TRIO: variants seen among roughly 807,000 people sequenced by gnomAD.
The protein encoded by TRIO is trio Rho guanine nucleotide exchange factor, also known as triple functional domain protein.
A neutral mutation model predicts 351.9 loss-of-function variants in TRIO; 58 were observed. The observed-to-expected ratio is 0.16, with a 90% CI of 0.13 to 0.21. The LOEUF (loss-of-function observed/expected upper bound fraction) is 0.21, where lower values mean the gene tolerates loss of function less well. Among genes scored for constraint, TRIO ranks in the 10% least tolerant of loss-of-function variants. TRIO has a pLI of 1.00. For synonymous variants in TRIO, 1,758 were observed against 1,595.7 expected (o/e 1.10, Z -2.42); for missense variants, 3,201 against 4,027.8 (o/e 0.79, Z 5.56).
chr5:14,227,187 A>G (rs1051613683), intron 1 of TRIO, among the ~76,000 whole-genome samples: 3 of 152,174 alleles, frequency 2.0e-5, no homozygotes, highest in Non-Finnish European at 2.9e-5. Flanking sequence ...GCATTTGGTC[A>G]TTCTACCCTT....
In TRIO at chr5:14,495,561, C is replaced by T. The variant is rs181011230; in HGVS notation, c.7881-1318C>T. ...GCCAGGCCAGGCGTAGTGGCTCATGCCTGTAATCCCAGAACGTTTGGAGGC... is the reference window on the plus strand; with the variant it reads ...GCCAGGCCAGGCGTAGTGGCTCATGTCTGTAATCCCAGAACGTTTGGAGGC... On this transcript the variant is annotated intron_variant, in intron 49 of 56. Coordinates refer to ENST00000344204, the MANE Select transcript of TRIO (RefSeq NM_007118.4). 2.0e-3 allele frequency among the ~76,000 whole-genome samples: 295 copies of T among 146,444 alleles called. 5 individuals are homozygous for T. Among genetic ancestry groups the T allele is most frequent in the Admixed American group, 0.018 (265 of 14,392 alleles).
intron 1 of TRIO, among the ~76,000 whole-genome samples, chr5:14,158,200 G>A (rs1158994411): frequency 3.3e-5 from 5 of 152,152 alleles, no homozygotes; most frequent in Non-Finnish European, 7.3e-5. Flanking sequence ...CCCGAAGCAT[G>A]CGGATCACGA....
chr5:14,257,156 C>G (rs150991328), intron 1 of TRIO, among the ~76,000 whole-genome samples: 4 of 152,222 alleles, frequency 2.6e-5, no homozygotes, highest in African/African-American at 9.6e-5. Flanking sequence ...GTGCCTCTGG[C>G]GACCTCCTGC....
intron 1 of TRIO, among the ~76,000 whole-genome samples, chr5:14,184,995 T>C (rs886542534): frequency 2.0e-5 from 3 of 152,134 alleles, no homozygotes; most frequent in African/African-American, 7.2e-5. Flanking sequence ...ACCTCCTTAT[T>C]CGGGTCCATC....
chr5:14,271,080 G>T (rs1201863763), intron 2 of TRIO, among the ~76,000 whole-genome samples, 181 bp downstream of exon 2: 1 of 152,210 alleles, frequency 6.6e-6, no homozygotes, highest in Non-Finnish European at 1.5e-5. Context: ...TTTTCTTCCA[G>T]TTAGGAGGCA....
At chr5:14,230,367 T>TGTGTGC (rs1281604522) in intron 1 of TRIO, among the ~76,000 whole-genome samples, 2 of 130,660 alleles carry the variant, frequency 1.5e-5, no homozygotes, top group African/African-American at 5.6e-5. Flanking sequence ...TGTGTGTGTG[T>TGTGTGC]GTGTGTGTTG....
chr5:14,244,067 C>A (rs769428000), intron 1 of TRIO, among the ~76,000 whole-genome samples: 1 of 152,156 alleles, frequency 6.6e-6, no homozygotes, highest in South Asian at 2.1e-4. Context: ...ACTTCGGGTG[C>A]GTTGCTTAAA....
chr5:14,404,571 T>A (rs924388038), intron 31 of TRIO, among the ~76,000 whole-genome samples: 1 of 152,208 alleles, frequency 6.6e-6, no homozygotes, highest in Non-Finnish European at 1.5e-5. Flanking sequence ...CAAATACTTT[T>A]ATCAGGCATT....
chr5:14,193,311 G>A (rs1790563072), intron 1 of TRIO, among the ~76,000 whole-genome samples: 4 of 152,004 alleles, frequency 2.6e-5, no homozygotes, highest in Non-Finnish European at 5.9e-5. Context: ...ACGTACCTGT[G>A]GGCACACATA....
chr5:14,175,999 A>G (rs1789382258), intron 1 of TRIO, among the ~76,000 whole-genome samples: 1 of 152,232 alleles, frequency 6.6e-6, no homozygotes, highest in African/African-American at 2.4e-5. Context: ...TTAAAAATAC[A>G]TTGTATGCTA....
intron 48 of TRIO, chr5:14,490,740 A>G (rs1756422253): frequency 4.4e-6 from 2 of 453,318 alleles, no homozygotes; most frequent in Admixed American, 4.7e-5. Flanking sequence ...GAAAATACTA[A>G]TAGTTAGGAT....
chr5:14,463,855 G>C (rs1754020048), intron 36 of TRIO, among the ~76,000 whole-genome samples: 1 of 152,158 alleles, frequency 6.6e-6, no homozygotes, highest in South Asian at 2.1e-4. Context: ...GTGCTTAGCA[G>C]CTGTGAGGCC....
rs138643874 is a variant in TRIO, at chr5:14,161,605, G to A, written c.157+17723G>A. On this transcript the variant is annotated intron_variant, in intron 1 of 56. Transcript: ENST00000344204. ...GATGGTTGTTGTGATTTATGCCTGT[G>A]GTTCCTTAACTCAGATTTTAGCATA... is the stretch of plus-strand genomic sequence containing the variant. Among the ~76,000 whole-genome samples, 292 of 152,154 alleles carry A rather than the reference G, an allele frequency of 1.9e-3. 1 individual carries two copies. Among genetic ancestry groups the A allele is most frequent in the African/African-American group, 6.8e-3 (284 of 41,512 alleles).
Position 14,368,911 on chromosome 5 carries a change from G to C in TRIO, c.3066+12G>C. Reference sequence around the variant, plus strand: ...AAACCTCAGAGCAGGTCAGGGGAGAGGTTCCCTTCCTTGAACTCCACTGAT... The same window carrying C: ...AAACCTCAGAGCAGGTCAGGGGAGACGTTCCCTTCCTTGAACTCCACTGAT... On this transcript the variant is annotated intron_variant, in intron 17 of 56. Coordinates refer to ENST00000344204, the MANE Select transcript of TRIO (RefSeq NM_007118.4). The C allele has an allele frequency of 1.2e-6, 2 of 1,608,042 alleles. No individual in the cohort carries two copies. The highest frequency in any genetic ancestry group is 1.7e-6 in the Non-Finnish European group (2 of 1,175,412).
At chr5:14,461,573 C>T (rs1158776445) in intron 35 of TRIO, among the ~76,000 whole-genome samples, 1 of 152,194 alleles carries the variant, frequency 6.6e-6, no homozygotes, top group Admixed American at 6.5e-5. Flanking sequence ...ACCATGCGCC[C>T]CAGGCCCAGT....
chr5:14,400,279 C>A (rs954652794), intron 30 of TRIO, among the ~76,000 whole-genome samples: 2 of 152,142 alleles, frequency 1.3e-5, no homozygotes, highest in Non-Finnish European at 2.9e-5. Context: ...TACATCTTCA[C>A]TTAATTTATC....
intron 49 of TRIO, among the ~76,000 whole-genome samples, chr5:14,493,890 G>A (rs1756681257): frequency 1.3e-5 from 2 of 152,236 alleles, no homozygotes; most frequent in African/African-American, 4.8e-5. Context: ...TGAGTGGTCT[G>A]GATAGAAGAT....
At chr5:14,438,581 A>C (rs140043554) in intron 34 of TRIO, among the ~76,000 whole-genome samples, 7 of 152,218 alleles carry the variant, frequency 4.6e-5, no homozygotes, top group African/African-American at 1.7e-4. Flanking sequence ...CGGTCTGTTG[A>C]GGTCACTAAC....
At chr5:14,421,117 G>C (rs796865168) in intron 34 of TRIO, among the ~76,000 whole-genome samples, 39 of 152,256 alleles carry the variant, frequency 2.6e-4, no homozygotes, top group African/African-American at 9.4e-4. Flanking sequence ...TTTTTACCAA[G>C]AAGGTGTTTC....
Sources: allele counts gnomAD v4.1 joint callset (sites outside exome capture counted in the v4.1 genomes callset), GRCh38; gene constraint gnomAD v4.1.1; transcripts MANE v1.5; gene names NCBI Gene and HGNC (gene_info 2026-07-23, HGNC 2026-07-21).